The following MBD3 variants were observed in gnomAD, a reference collection of about 807,000 sequenced individuals.
MBD3 encodes the protein methyl-CpG-binding domain protein 3.
Under a neutral mutation model 31.2 loss-of-function variants are expected in MBD3, and 13 were observed. The observed-to-expected ratio is 0.42, with a 90% CI of 0.27 to 0.66. MBD3 has a LOEUF of 0.66. Among genes scored for constraint, MBD3 ranks in the 30% least tolerant of loss-of-function variants. The probability of loss-of-function intolerance (pLI) is 0.26; values close to 1 mark genes in which losing one functional copy is unlikely to be tolerated. For synonymous variants in MBD3, 223 were observed against 187.4 expected (o/e 1.19, Z -1.55); for missense variants, 440 against 426.5 (o/e 1.03, Z -0.28).
rs1599352054 is a variant in MBD3 at position 1,592,640 on chromosome 19, G to T, written c.-9C>A. The T allele has an allele frequency of 1.6e-6, 2 of 1,227,886 alleles. No homozygotes were observed. Among genetic ancestry groups the T allele is most frequent in the Non-Finnish European group, 2.1e-6 (2 of 950,794 alleles). The allele number at this position is 1,227,886 out of a possible 1,614,324, so 76.1% of individuals were successfully genotyped here. A position where few individuals can be genotyped will look rare whatever the true frequency, so the allele number is the denominator to read the frequency against. ...CACCTCTTCCGCTCCATTGCGCCCG[G>T]CTCCTCGGCCCGCCGCCGGGCCCGC... On this transcript the variant is annotated 5_prime_UTR_variant, in exon 1 of 7. Transcript: ENST00000434436.
Position 1,578,737 on chromosome 19 carries a change from G to A in MBD3, c.678-199C>T, listed in dbSNP as rs967505127. Among the ~76,000 whole-genome samples the A allele has an allele frequency of 4.6e-5, 7 of 152,098 alleles. No individual in the cohort carries two copies. Among genetic ancestry groups the A allele is most frequent in the African/African-American group, 1.7e-4 (7 of 41,424 alleles). On this transcript the variant is annotated intron_variant, in intron 5 of 6. Transcript: ENST00000434436. This position sits in a 1 kb window ranked among gnomAD's most constrained non-coding sequence, Gnocchi z 6.1. ...CCGGCTGCCGCTGGCCATCGCCAGC[G>A]TCCGCCACCCTCCCAGATGGCCCCC...
chr19:1,578,505 C>A lies in MBD3; in HGVS notation c.711G>T (p.Lys237Asn), dbSNP rs375776843. 16 of 1,612,196 alleles carry A rather than the reference C, an allele frequency of 9.9e-6. No homozygotes were observed. The highest frequency in any genetic ancestry group is 1.4e-5 in the Non-Finnish European group (16 of 1,179,934). The part of the protein sequence containing the change: ...KQEELVQQVR[K>N]RLEEALMADM... ...CGGCCATCAGCGCCTCCTCCAGCCGCTTCCGCACCTGCTGCACCAGCTCTT... is the reference window on the plus strand; with the variant it reads ...CGGCCATCAGCGCCTCCTCCAGCCGATTCCGCACCTGCTGCACCAGCTCTT... The change falls in exon 6 of 7, where the codon AAG becomes AAT. Residue 237 changes from lysine (K) to asparagine (N), a missense_variant. Lys to Asn is a moderately conservative substitution (Grantham distance 94). Transcript: ENST00000434436. The surrounding 1 kb of genome is among the most constrained non-coding windows in gnomAD (Gnocchi z 6.1).
intron 1 of MBD3, among the ~76,000 whole-genome samples, chr19:1,591,577 C>T (rs747278281): frequency 3.1e-4 from 47 of 152,152 alleles, no homozygotes; most frequent in Non-Finnish European, 3.7e-4. Flanking sequence ...AGGTGCTCGG[C>T]ACATGGCAGG....
chr19:1,583,739 C>T (rs186532219), intron 3 of MBD3, among the ~76,000 whole-genome samples: 62 of 152,252 alleles, frequency 4.1e-4, no homozygotes, highest in South Asian at 1.0e-3. Flanking sequence ...CAAGGAACGT[C>T]ACAAGCATCC....
intron 1 of MBD3, among the ~76,000 whole-genome samples, chr19:1,588,779 CAAAAAAAAAAAAAA>C (rs750933978): frequency 1.8e-5 from 1 of 54,950 alleles, no homozygotes. Context: ...ACTGTGTCTC[CAAAAAAAAAAAAAA>C]AAAAAAAAGG....
At chr19:1,581,048 CAA>C in intron 5 of MBD3, 42 bp downstream of exon 5, 1 of 1,612,860 alleles carries the variant, frequency 6.2e-7, no homozygotes, top group Non-Finnish European at 8.5e-7. Flanking sequence ...CCCACGGCCA[CAA>C]GAGACAGGGT....
intron 4 of MBD3, among the ~76,000 whole-genome samples, chr19:1,582,107 G>A (rs945959990): frequency 6.6e-6 from 1 of 152,062 alleles, no homozygotes; most frequent in African/African-American, 2.4e-5. Flanking sequence ...TCACTATGTT[G>A]TCCAAGCTGG....
At chr19:1,587,254 C>A (rs906508803) in intron 1 of MBD3, among the ~76,000 whole-genome samples, 2 of 152,004 alleles carry the variant, frequency 1.3e-5, no homozygotes, top group Non-Finnish European at 2.9e-5. Context: ...CGTGAGCCAC[C>A]GCGCCCAGCC....
At chr19:1,587,319 C>G (rs1018634483) in intron 1 of MBD3, among the ~76,000 whole-genome samples, 2 of 152,094 alleles carry the variant, frequency 1.3e-5, no homozygotes, top group African/African-American at 2.4e-5. Context: ...CCAGGCTGGT[C>G]TGGAACTCCT....
At position 1,576,440 on chromosome 19, in the gene MBD3, C is replaced by G. The variant is rs1917193154; in HGVS notation, c.*1724G>C. 6.6e-6 allele frequency: 1 copy of G among 152,282 alleles called. No homozygotes were observed. The highest frequency in any genetic ancestry group is 1.5e-5 in the Non-Finnish European group (1 of 68,124). 9.4% of individuals were successfully genotyped at this position (152,282 alleles called of 1,614,324 possible). ...TCACCGGGGCAGCAGGGCCAAGACC[C>G]ACGATCCCTAGGCTGAGCCAGCGGC... On this transcript the variant is annotated 3_prime_UTR_variant, in exon 7 of 7. Coordinates refer to ENST00000434436, the MANE Select transcript of MBD3 (RefSeq NM_001281453.2).
In MBD3 at chr19:1,585,651, G is replaced by A. The variant is rs2060675886; in HGVS notation, c.111-437C>T. The A allele has an allele frequency of 4.7e-6, 1 of 214,502 alleles. No individual in the cohort carries two copies. The highest frequency in any genetic ancestry group is 9.5e-6 in the Non-Finnish European group (1 of 105,398). 13.3% of individuals were successfully genotyped at this position (214,502 alleles called of 1,614,324 possible). A position where few individuals can be genotyped will look rare whatever the true frequency, so the allele number is the denominator to read the frequency against. ...TACTACCTACAGGGCTTTGGGCCCC[G>A]GCTCTGGGAGGATGGCTCACATGTC... On this transcript the variant is annotated intron_variant, in intron 1 of 6. Transcript: ENST00000434436. This position sits in a 1 kb window ranked among gnomAD's most constrained non-coding sequence, Gnocchi z 4.1.
At position 1,581,210 on chromosome 19, in the gene MBD3, T is replaced by A; in HGVS notation, c.559A>T (p.Thr187Ser). ...TGTCCCGTGATGGGCATGGTGCTAG[T>A]GTGCAGGGCGCTGGCGATGGCCGAC... Reference protein sequence around the residue: ...LLSAIASALHTSTMPITGQLS... With the variant: ...LLSAIASALHSSTMPITGQLS... Residue 187 changes from threonine (T) to serine (S), a missense_variant, in exon 5 of 7, where the codon ACT becomes TCT. Thr to Ser is a moderately conservative substitution (Grantham distance 58). This residue lies in a region of MBD3 where 144 missense variants were observed against 196.9 expected (regional missense o/e 0.73). Coordinates refer to ENST00000434436, the MANE Select transcript of MBD3 (RefSeq NM_001281453.2). 1 of 1,613,656 alleles carries A rather than the reference T, an allele frequency of 6.2e-7. No homozygotes were observed. The highest frequency in any genetic ancestry group is 8.5e-7 in the Non-Finnish European group (1 of 1,179,978).
intron 4 of MBD3, among the ~76,000 whole-genome samples, chr19:1,582,226 C>T (rs1338024294): frequency 3.3e-5 from 5 of 152,276 alleles, no homozygotes; most frequent in Non-Finnish European, 7.4e-5. Context: ...AAACAACCAC[C>T]AAAACCATGC....
Position 1,573,782 on chromosome 19 carries a change from T to A in MBD3, c.*4382A>T, listed in dbSNP as rs1275631211. On this transcript the variant is annotated 3_prime_UTR_variant, in exon 7 of 7. Transcript: ENST00000434436. ...AAGGCAGTTTTGTGGTCTCATATTATTTGCCCTCAACAAAATTCTTTTGCC... is the reference window on the plus strand; with the variant it reads ...AAGGCAGTTTTGTGGTCTCATATTAATTGCCCTCAACAAAATTCTTTTGCC... 2 of 152,168 alleles carry A rather than the reference T, an allele frequency of 1.3e-5. No homozygotes were observed. Among genetic ancestry groups the A allele is most frequent in the African/African-American group, 2.4e-5 (1 of 41,424 alleles). The allele number at this position is 152,168 out of a possible 1,614,324, so 9.4% of individuals were successfully genotyped here.
At chr19:1,587,257 G>A (rs147473742) in intron 1 of MBD3, among the ~76,000 whole-genome samples, 585 of 151,978 alleles carry the variant, frequency 3.8e-3, no homozygotes, top group African/African-American at 0.012. Flanking sequence ...GAGCCACCGC[G>A]CCCAGCCAAT....
chr19:1,584,704 G>A (rs1018720567), intron 2 of MBD3, 27 bp from the exon 3 acceptor site: 6 of 1,602,762 alleles, frequency 3.7e-6, no homozygotes, highest in East Asian at 2.2e-5. Flanking sequence ...ATGCAGTCCG[G>A]CCTGGGGGCG....
rs1029712726 is a variant in MBD3, at chr19:1,578,731, G to A, written c.678-193C>T. Among the ~76,000 whole-genome samples, 2 of 152,070 alleles carry A rather than the reference G, an allele frequency of 1.3e-5. No homozygotes were observed. Among genetic ancestry groups the A allele is most frequent in the African/African-American group, 4.8e-5 (2 of 41,420 alleles). On this transcript the variant is annotated intron_variant, in intron 5 of 6. Transcript: ENST00000434436. This position sits in a 1 kb window ranked among gnomAD's most constrained non-coding sequence, Gnocchi z 6.1. ...GAATGACCGGCTGCCGCTGGCCATC[G>A]CCAGCGTCCGCCACCCTCCCAGATG... is the stretch of plus-strand genomic sequence containing the variant.
At chr19:1,580,079 G>A (rs940339460) in intron 5 of MBD3, among the ~76,000 whole-genome samples, 10 of 152,176 alleles carry the variant, frequency 6.6e-5, no homozygotes, top group Admixed American at 5.2e-4. Flanking sequence ...AGTTCTGCAG[G>A]GCTTTTAATG....
At chr19:1,580,041 A>G (rs982380307) in intron 5 of MBD3, among the ~76,000 whole-genome samples, 2 of 152,272 alleles carry the variant, frequency 1.3e-5, no homozygotes, top group Non-Finnish European at 2.9e-5. Context: ...TACAGGCGTC[A>G]GCCACTGTGC....
Sources: gnomAD v4.1 joint callset for allele counts (sites outside exome capture counted in the v4.1 genomes callset) on GRCh38, gnomAD v4.1.1 for gene constraint, gnomAD v4.1.1 regional missense constraint, Gnocchi (gnomAD v3.1) non-coding constraint, MANE v1.5 for transcripts, NCBI Gene and HGNC (gene_info 2026-07-23, HGNC 2026-07-21) for gene names.